VANGL1: variants seen among roughly 807,000 people sequenced by gnomAD.
The protein encoded by VANGL1 is vang-like protein 1.
A neutral mutation model predicts 48.4 loss-of-function variants in VANGL1; 18 were observed. That is an observed-to-expected ratio of 0.37 (90% CI 0.26 to 0.55). The LOEUF is 0.55. Ranked by LOEUF, VANGL1 falls within the 20% of genes least tolerant of loss-of-function variation. The pLI is 0.81. For synonymous variants in VANGL1, 257 were observed against 261.8 expected (o/e 0.98, Z 0.18); for missense variants, 667 against 675.8 (o/e 0.99, Z 0.14).
At chr1:115,649,080 G>A (rs188511771) in intron 1 of VANGL1, among the ~76,000 whole-genome samples, 4 of 152,262 alleles carry the variant, frequency 2.6e-5, no homozygotes, top group Non-Finnish European at 5.9e-5. Flanking sequence ...TGAAGCAGGT[G>A]AGAAAACAGC....
intron 2 of VANGL1, among the ~76,000 whole-genome samples, chr1:115,653,618 G>C (rs531460338): frequency 1.3e-5 from 2 of 152,054 alleles, no homozygotes; most frequent in Non-Finnish European, 2.9e-5. Context: ...TTCACGCTTC[G>C]GGGCCCATTG....
chr1:115,689,302 A>C lies in VANGL1; in HGVS notation c.1315-1817A>C, dbSNP rs1278993569. 2.9e-5 allele frequency among the ~76,000 whole-genome samples: 4 copies of C among 136,598 alleles called. 1 individual carries two copies. The highest frequency in any genetic ancestry group is 1.1e-4 in the African/African-American group (4 of 36,300). The allele number at this position is 136,598 out of a possible 152,430, so 89.6% of individuals were successfully genotyped here. A position where few individuals can be genotyped will look rare whatever the true frequency, so the allele number is the denominator to read the frequency against. ...CAATAGATGCTCCACAGATGAAAAAAATATATACCTGGCAGTAGCAGCAGG... is the reference window on the plus strand; with the variant it reads ...CAATAGATGCTCCACAGATGAAAAACATATATACCTGGCAGTAGCAGCAGG... On this transcript the variant is annotated intron_variant, in intron 7 of 7. Coordinates refer to ENST00000355485, the MANE Select transcript of VANGL1 (RefSeq NM_138959.3).
chr1:115,662,617 A>G (rs995629075), intron 3 of VANGL1, among the ~76,000 whole-genome samples: 1 of 152,194 alleles, frequency 6.6e-6, no homozygotes, highest in Non-Finnish European at 1.5e-5. Flanking sequence ...GGTTGTTTCT[A>G]TGCCCTTGAT....
rs1033069458 is a variant in VANGL1, at chr1:115,685,191, A to T, written c.1080-102A>T. Reference sequence around the variant, plus strand: ...CAAGCAGCGTGATTGGGCCTTGGGTATGTTGGCAGGTTGGGCCGCAGCAGG... The same window carrying T: ...CAAGCAGCGTGATTGGGCCTTGGGTTTGTTGGCAGGTTGGGCCGCAGCAGG... On this transcript the variant is annotated intron_variant, in intron 6 of 7. Transcript: ENST00000355485. 39 of 1,234,828 alleles carry T rather than the reference A, an allele frequency of 3.2e-5. No individual in the cohort carries two copies. In the African/African-American group the frequency reaches 5.0e-4, roughly 16 times the overall value. The allele number at this position is 1,234,828 out of a possible 1,614,324, so 76.5% of individuals were successfully genotyped here.
chr1:115,691,218 A>C lies in VANGL1; in HGVS notation c.1414A>C (p.Thr472Pro). 1 of 1,614,108 alleles carries C rather than the reference A, an allele frequency of 6.2e-7. No homozygotes were observed. The change falls in exon 8 of 8, where the codon ACT (threonine) becomes CCT (proline). Residue 472 changes from threonine (T) to proline (P), a missense_variant. Coordinates refer to ENST00000355485, the MANE Select transcript of VANGL1 (RefSeq NM_138959.3). ...QWRLVSDEAV[T>P]NGLRDGIVFV... is the part of the protein sequence containing the mutation. ...GAGGCTTGTCAGTGATGAGGCTGTGACTAATGGATTACGGGATGGAATTGT... is the reference window on the plus strand; with the variant it reads ...GAGGCTTGTCAGTGATGAGGCTGTGCCTAATGGATTACGGGATGGAATTGT...
rs150657428 is a variant in VANGL1, at chr1:115,662,521, A to G, written c.205-1140A>G. On this transcript the variant is annotated intron_variant, in intron 3 of 7. Transcript: ENST00000355485. ...CTATCAACTGGGTTTTGCTAAGTGAATAGACTAATTGCTTTAACTAGCAAC... is the reference window on the plus strand; with the variant it reads ...CTATCAACTGGGTTTTGCTAAGTGAGTAGACTAATTGCTTTAACTAGCAAC... Among the ~76,000 whole-genome samples, 126 of 152,348 alleles carry G rather than the reference A, an allele frequency of 8.3e-4. 2 individuals carry two copies. Among genetic ancestry groups the G allele is most frequent in the Admixed American group, 3.7e-3 (57 of 15,302 alleles).
intron 2 of VANGL1, among the ~76,000 whole-genome samples, chr1:115,658,422 A>G (rs1455273410): frequency 1.3e-5 from 2 of 152,228 alleles, no homozygotes; most frequent in African/African-American, 2.4e-5. Context: ...GTGCATTAGC[A>G]CTTACTCCAC....
At chr1:115,663,632 T>C in intron 3 of VANGL1, 29 bp from the exon 4 acceptor site, 1 of 1,614,076 alleles carries the variant, frequency 6.2e-7, no homozygotes, top group Non-Finnish European at 8.5e-7. Context: ...ACCTGTGTCA[T>C]GTCATCCTCA....
At chr1:115,659,537 G>GTGTA in intron 2 of VANGL1, 104 bp from the exon 3 acceptor site, 9 of 1,294,466 alleles carry the variant, frequency 7.0e-6, no homozygotes, top group South Asian at 3.6e-5. Context: ...GTGTGTGTGT[G>GTGTA]TGTATGTAGA....
intron 4 of VANGL1, among the ~76,000 whole-genome samples, chr1:115,676,330 G>C (rs113805841): frequency 3.3e-5 from 5 of 152,242 alleles, no homozygotes; most frequent in African/African-American, 1.2e-4. Context: ...ACAAAGAGTA[G>C]CATAACTTTG....
At chr1:115,671,404 A>T (rs1652967367) in intron 4 of VANGL1, 1 of 152,308 alleles carries the variant, frequency 6.6e-6, no homozygotes, top group Non-Finnish European at 1.5e-5. Context: ...GCTCCAGCCC[A>T]GGTTTCGGGG....
intron 7 of VANGL1, among the ~76,000 whole-genome samples, chr1:115,687,072 C>T (rs1194605884): frequency 7.3e-6 from 1 of 137,746 alleles, no homozygotes; most frequent in African/African-American, 2.7e-5. Flanking sequence ...ACATTGTCAA[C>T]CAATAACTAC....
chr1:115,679,260 C>T (rs549926963), intron 4 of VANGL1, among the ~76,000 whole-genome samples: 19 of 152,310 alleles, frequency 1.2e-4, no homozygotes, highest in Admixed American at 1.2e-3. Context: ...GAGGGCAGAG[C>T]CAGAGGGAGT....
Position 115,695,479 on chromosome 1 carries a change from T to C in VANGL1, c.*4100T>C, listed in dbSNP as rs961507896. 2 of 152,650 alleles carry C rather than the reference T, an allele frequency of 1.3e-5. No individual in the cohort carries two copies. Among genetic ancestry groups the C allele is most frequent in the African/African-American group, 4.8e-5 (2 of 41,462 alleles). 9.5% of individuals were successfully genotyped at this position (152,650 alleles called of 1,614,324 possible). The stretch of plus-strand genomic sequence containing the variant: ...ATAAGAATTGCTCTTCTGCCCACCG[T>C]TCTTGATTGGTATTCAGTGCAGTAG... On this transcript the variant is annotated 3_prime_UTR_variant, in exon 8 of 8. Coordinates refer to ENST00000355485, the MANE Select transcript of VANGL1 (RefSeq NM_138959.3).
At chr1:115,653,517 G>T (rs1273187351) in intron 2 of VANGL1, among the ~76,000 whole-genome samples, 1 of 152,144 alleles carries the variant, frequency 6.6e-6, no homozygotes, top group East Asian at 1.9e-4. Flanking sequence ...GGATTCCCTG[G>T]GTGCTTGGGG....
At chr1:115,690,261 C>T (rs897668210) in intron 7 of VANGL1, among the ~76,000 whole-genome samples, 1 of 152,148 alleles carries the variant, frequency 6.6e-6, no homozygotes, top group African/African-American at 2.4e-5. Flanking sequence ...ATTACAGGAG[C>T]CTGAAGGAGG....
rs1272646599 is a variant in VANGL1 at position 115,694,629 on chromosome 1, C to T, written c.*3250C>T. ...TTGATTACCTTGCCACTCCAACCTA[C>T]GTACTGAGTGAGTGCTCCAGCCACT... is the stretch of plus-strand genomic sequence containing the variant. On this transcript the variant is annotated 3_prime_UTR_variant, in exon 8 of 8. Transcript: ENST00000355485. 1 of 152,202 alleles carries T rather than the reference C, an allele frequency of 6.6e-6. No individual in the cohort carries two copies. The highest frequency in any genetic ancestry group is 1.9e-4 in the East Asian group (1 of 5,202). 9.4% of individuals were successfully genotyped at this position (152,202 alleles called of 1,614,324 possible). A position where few individuals can be genotyped will look rare whatever the true frequency, so the allele number is the denominator to read the frequency against.
chr1:115,651,995 G>A (rs1381501164), intron 2 of VANGL1, among the ~76,000 whole-genome samples: 1 of 152,076 alleles, frequency 6.6e-6, no homozygotes, highest in Non-Finnish European at 1.5e-5. Context: ...CTTGTGATCC[G>A]CCCGCCTCGG....
Position 115,695,445 on chromosome 1 carries a change from A to G in VANGL1, c.*4066A>G, listed in dbSNP as rs1045413730. ...TGTAACCTTGTGGTCGTATTTCATT[A>G]TAAATAAAATAAGAATTGCTCTTCT... On this transcript the variant is annotated 3_prime_UTR_variant, in exon 8 of 8. Transcript: ENST00000355485. The G allele has an allele frequency of 1.0e-4, 16 of 152,578 alleles. No individual in the cohort carries two copies. The highest frequency in any genetic ancestry group is 2.4e-5 in the African/African-American group (1 of 41,380). The allele number at this position is 152,578 out of a possible 1,614,324, so 9.5% of individuals were successfully genotyped here.
Sources: allele counts gnomAD v4.1 joint callset (sites outside exome capture counted in the v4.1 genomes callset), GRCh38; gene constraint gnomAD v4.1.1; transcripts MANE v1.5; gene names NCBI Gene and HGNC (gene_info 2026-07-23, HGNC 2026-07-21).